Variants in NTM observed in about 807,000 individuals in gnomAD.
NTM encodes the protein IgLON family member 2.
Under a neutral mutation model 42.1 loss-of-function variants are expected in NTM, and 13 were observed. That is an observed-to-expected ratio of 0.31 (90% CI 0.20 to 0.49). NTM has a LOEUF of 0.49. Among genes scored for constraint, NTM ranks in the 20% least tolerant of loss-of-function variants. The pLI, the probability that NTM is intolerant of heterozygous loss-of-function variation, is 0.99. For missense variants in NTM, 373 were observed against 452.8 expected, an observed-to-expected ratio of 0.82 and a Z score of 1.60; for synonymous variants, 187 against 179.2, an observed-to-expected ratio of 1.04 and a Z score of -0.35.
At chr11:131,947,279 C>T (rs2060446523) in intron 2 of NTM, among the ~76,000 whole-genome samples, 1 of 152,102 alleles carries the variant, frequency 6.6e-6, no homozygotes, top group Non-Finnish European at 1.5e-5. Context: ...GTTCTCCGTA[C>T]CTGGTATTGA....
chr11:131,570,200 C>T (rs2057319370), intron 1 of NTM, among the ~76,000 whole-genome samples: 1 of 152,190 alleles, frequency 6.6e-6, no homozygotes, highest in South Asian at 2.1e-4. Flanking sequence ...TCTTGGACCT[C>T]AGCTTCAGAG....
intron 1 of NTM, among the ~76,000 whole-genome samples, chr11:131,726,593 T>C (rs1266772588): frequency 6.6e-6 from 1 of 151,160 alleles, no homozygotes; most frequent in Non-Finnish European, 1.5e-5. Context: ...AGCCCTAAAA[T>C]CTCCTCAGCC....
rs966143240 is a variant in NTM, at chr11:131,927,779, G to T, written c.167+16131G>T. 2.0e-5 allele frequency among the ~76,000 whole-genome samples: 3 copies of T among 152,150 alleles called. No homozygotes were observed. The East Asian group carries it at 5.8e-4, about 29-fold the overall frequency. ...GAGACATAAAATCACAGAGCCCTGT[G>T]GTAGCATCAGAGATGGGGTCACACA... On this transcript the variant is annotated intron_variant, in intron 2 of 8. Transcript: ENST00000683400.
At chr11:132,197,050 A>G (rs143574951) in intron 3 of NTM, among the ~76,000 whole-genome samples, 178 of 152,332 alleles carry the variant, frequency 1.2e-3, no homozygotes, top group African/African-American at 4.1e-3. Flanking sequence ...TGGGTATCTG[A>G]TAGCAGTTAA....
Position 131,724,915 on chromosome 11 carries a change from CT to C in NTM, c.83-186647del, listed in dbSNP as rs1242206862. On this transcript the variant is annotated intron_variant, in intron 1 of 8. Transcript: ENST00000683400. ...CAAGGAAAAGGCAGCAGGCTTGGAG[CT>C]TGGACTGTGTGTTGGAGTCAGGGGA... Among the ~76,000 whole-genome samples, 6 of 152,236 alleles carry C rather than the reference CT, an allele frequency of 3.9e-5. No homozygotes were observed. In the East Asian group the frequency reaches 5.8e-4, roughly 15 times the overall value.
intron 4 of NTM, among the ~76,000 whole-genome samples, chr11:132,300,616 T>TAACA (rs1406304945): frequency 2.0e-5 from 3 of 152,240 alleles, no homozygotes; most frequent in Admixed American, 2.0e-4. Flanking sequence ...AAACACTTTT[T>TAACA]AACACTGATG....
intron 2 of NTM, among the ~76,000 whole-genome samples, chr11:132,040,540 C>T (rs1041314836): frequency 2.0e-5 from 3 of 152,156 alleles, no homozygotes; most frequent in Non-Finnish European, 4.4e-5. Flanking sequence ...AAAATGTTGG[C>T]AATATTGATA....
intron 3 of NTM, among the ~76,000 whole-genome samples, chr11:132,196,644 A>G (rs553040836): frequency 6.6e-6 from 1 of 152,192 alleles, no homozygotes; most frequent in African/African-American, 2.4e-5. Context: ...TTCCAGTAGC[A>G]TGGGTGGAGC....
intron 1 of NTM, among the ~76,000 whole-genome samples, chr11:131,484,825 C>A (rs1448560284): frequency 6.6e-6 from 1 of 152,046 alleles, no homozygotes; most frequent in Admixed American, 6.5e-5. Flanking sequence ...GTGGGCCACA[C>A]CCTGAGAATT....
At chr11:131,836,211 C>G (rs2043470020) in intron 1 of NTM, among the ~76,000 whole-genome samples, 1 of 152,146 alleles carries the variant, frequency 6.6e-6, no homozygotes. Context: ...TTCAACAAAA[C>G]TTTTCTTAAA....
At chr11:131,681,771 G>A (rs1250909074) in intron 1 of NTM, among the ~76,000 whole-genome samples, 20 of 100,390 alleles carry the variant, frequency 2.0e-4, no homozygotes, top group African/African-American at 8.4e-4. Context: ...GTGTGTGAGC[G>A]TGTGTGTTTC....
chr11:132,227,352 A>G (rs1464276399), intron 4 of NTM, among the ~76,000 whole-genome samples: 1 of 152,226 alleles, frequency 6.6e-6, no homozygotes, highest in African/African-American at 2.4e-5. Context: ...TCTGATGAAG[A>G]CGGTAGATAA....
At chr11:131,478,311 A>G (rs969222549) in intron 1 of NTM, among the ~76,000 whole-genome samples, 1 of 152,264 alleles carries the variant, frequency 6.6e-6, no homozygotes, top group African/African-American at 2.4e-5. Flanking sequence ...GCTACTTCAA[A>G]TTTGGGAATT....
intron 1 of NTM, among the ~76,000 whole-genome samples, chr11:131,416,721 T>C (rs1235428199): frequency 6.6e-6 from 1 of 152,234 alleles, no homozygotes; most frequent in Non-Finnish European, 1.5e-5. Flanking sequence ...CTTGAACTTT[T>C]AAAATAACTT....
chr11:131,851,279 C>T (rs2045502384), intron 1 of NTM, among the ~76,000 whole-genome samples: 1 of 152,114 alleles, frequency 6.6e-6, no homozygotes, highest in Non-Finnish European at 1.5e-5. Context: ...CTGTTGAATA[C>T]TGGGCAAGGA....
chr11:131,430,329 G>A (rs1375273962), intron 1 of NTM, among the ~76,000 whole-genome samples: 2 of 152,182 alleles, frequency 1.3e-5, no homozygotes, highest in Non-Finnish European at 2.9e-5. Flanking sequence ...TTCCAGGGAT[G>A]GGGGTGGAGC....
intron 2 of NTM, among the ~76,000 whole-genome samples, chr11:132,021,945 G>A (rs2074407552): frequency 6.6e-6 from 1 of 152,226 alleles, no homozygotes; most frequent in South Asian, 2.1e-4. Flanking sequence ...TCCAGGCTAT[G>A]GTGTGTTTGC....
At chr11:132,231,980 G>T (rs527283984) in intron 4 of NTM, among the ~76,000 whole-genome samples, 3 of 152,158 alleles carry the variant, frequency 2.0e-5, no homozygotes, top group Non-Finnish European at 4.4e-5. Context: ...CTCCCTAGGC[G>T]ATGTAGCTGC....
chr11:131,372,793 AT>A lies in NTM; in HGVS notation c.82+1915del, dbSNP rs10694098. 3.1e-3 allele frequency among the ~76,000 whole-genome samples: 469 copies of A among 150,900 alleles called. 4 individuals are homozygous for A. The highest frequency in any genetic ancestry group is 9.4e-3 in the African/African-American group (388 of 41,078). ...ATTTACATATAAATTAGCATACGTG[AT>A]TTTTTTTTTCATCAGAATAAATGCA... On this transcript the variant is annotated intron_variant, in intron 1 of 8. Transcript: ENST00000683400.
Sources: allele counts gnomAD v4.1 joint callset (sites outside exome capture counted in the v4.1 genomes callset), GRCh38; gene constraint gnomAD v4.1.1; transcripts MANE v1.5; gene names NCBI Gene and HGNC (gene_info 2026-07-23, HGNC 2026-07-21).